NAA11: variants seen among roughly 807,000 people sequenced by gnomAD.
The protein encoded by NAA11 is N-alpha-acetyltransferase 11, NatA catalytic subunit.
Under a neutral mutation model 16.1 loss-of-function variants are expected in NAA11, and 15 were observed. That is an observed-to-expected ratio of 0.93 (90% CI 0.62 to 1.44). NAA11 has a LOEUF of 1.44. Among genes scored for constraint, NAA11 ranks in the 40% most tolerant of loss-of-function variants. The probability of loss-of-function intolerance (pLI) is 0.00; values close to 1 mark genes in which losing one functional copy is unlikely to be tolerated. For synonymous variants in NAA11, 122 were observed against 112.4 expected, an observed-to-expected ratio of 1.09 and a Z score of -0.54; for missense variants, 298 against 291.3, an observed-to-expected ratio of 1.02 and a Z score of -0.17.
At chr4:79,208,947 A>AAAAAAAAC in the NAA11 span, among the ~76,000 whole-genome samples, 3 of 141,002 alleles carry the variant, frequency 2.1e-5, no homozygotes, top group South Asian at 4.5e-4. Flanking sequence ...AAAAAAAAAA[A>AAAAAAAAC]CCCCAAAAAA....
chr4:79,303,264 C>T (rs529613563), intron 1 of NAA11, among the ~76,000 whole-genome samples: 6 of 151,648 alleles, frequency 4.0e-5, no homozygotes, highest in African/African-American at 1.5e-4. Context: ...ACTCACTTTT[C>T]TTTATTTTCA....
chr4:79,217,953 T>C, the NAA11 span, among the ~76,000 whole-genome samples: 3 of 152,272 alleles, frequency 2.0e-5, no homozygotes, highest in South Asian at 2.1e-4. Flanking sequence ...GTGTCTGATA[T>C]TACTTTTCCT....
At chr4:79,228,120 G>A (rs1361044563) in intron 2 of NAA11, among the ~76,000 whole-genome samples, 1 of 151,914 alleles carries the variant, frequency 6.6e-6, no homozygotes, top group Non-Finnish European at 1.5e-5. Context: ...CTGGGGTGCT[G>A]GCTGGCTGCC....
At chr4:79,301,845 A>C (rs1266160817) in intron 1 of NAA11, among the ~76,000 whole-genome samples, 2 of 152,228 alleles carry the variant, frequency 1.3e-5, no homozygotes, top group African/African-American at 4.8e-5. Context: ...ATTTTATCTT[A>C]CAATTTATTG....
chr4:79,240,892 AC>A (rs1721676772), intron 2 of NAA11, among the ~76,000 whole-genome samples: 2 of 152,176 alleles, frequency 1.3e-5, no homozygotes, highest in African/African-American at 4.8e-5. Flanking sequence ...AAAAACAACA[AC>A]AAAAAAAGGC....
At chr4:79,222,128 A>G (rs1170263230), downstream of NAA11, among the ~76,000 whole-genome samples, 2 of 151,748 alleles carry the variant, frequency 1.3e-5, no homozygotes, top group East Asian at 1.9e-4. Flanking sequence ...CCAGGAATGT[A>G]TCCATTTCTT....
chr4:79,162,844 A>G, the NAA11 span, among the ~76,000 whole-genome samples: 55 of 152,194 alleles, frequency 3.6e-4, no homozygotes, highest in Non-Finnish European at 1.3e-4. Flanking sequence ...TTTCCTAAAG[A>G]GGCAACATGG....
At chr4:79,222,781 C>T (rs1291424808), downstream of NAA11, among the ~76,000 whole-genome samples, 1 of 151,736 alleles carries the variant, frequency 6.6e-6, no homozygotes, top group African/African-American at 2.4e-5. Context: ...CTACAATGAA[C>T]TCAAACAAAT....
chr4:79,264,738 T>G (rs2109976239), intron 2 of NAA11, among the ~76,000 whole-genome samples: 1 of 152,280 alleles, frequency 6.6e-6, no homozygotes, highest in South Asian at 2.1e-4. Context: ...TTCTTTTCAG[T>G]CTCATTTAAT....
At chr4:79,212,601 A>G in the NAA11 span, among the ~76,000 whole-genome samples, 1 of 152,078 alleles carries the variant, frequency 6.6e-6, no homozygotes, top group Non-Finnish European at 1.5e-5. Context: ...CCACGGTTTC[A>G]CTTTACATGG....
chr4:79,246,377 T>TAA (rs869224539), intron 2 of NAA11, among the ~76,000 whole-genome samples: 31 of 22,436 alleles, frequency 1.4e-3, no homozygotes, highest in African/African-American at 2.1e-3. Context: ...CAATAAATAC[T>TAA]AAAAAAAAAA....
the NAA11 span, among the ~76,000 whole-genome samples, chr4:79,192,677 G>A: frequency 2.6e-5 from 4 of 151,876 alleles, no homozygotes; most frequent in Middle Eastern, 3.4e-3. Context: ...GAATAGTGCC[G>A]CAATAAACAT....
the NAA11 span, among the ~76,000 whole-genome samples, chr4:79,214,788 A>G: frequency 6.6e-6 from 1 of 151,584 alleles, no homozygotes; most frequent in Non-Finnish European, 1.5e-5. Context: ...ACAGAGCAAG[A>G]CTCCATCTAA....
At chr4:79,166,131 A>G in the NAA11 span, among the ~76,000 whole-genome samples, 4 of 152,318 alleles carry the variant, frequency 2.6e-5, no homozygotes, top group Admixed American at 2.0e-4. Context: ...GCATGAAAGA[A>G]TCTCAAGATC....
chr4:79,195,319 G>T, the NAA11 span, among the ~76,000 whole-genome samples: 3 of 152,012 alleles, frequency 2.0e-5, no homozygotes, highest in Non-Finnish European at 2.9e-5. Flanking sequence ...GGTTGGAAGT[G>T]TATTTAATTC....
chr4:79,230,729 G>A (rs963787977), intron 2 of NAA11, among the ~76,000 whole-genome samples: 1 of 151,808 alleles, frequency 6.6e-6, no homozygotes, highest in African/African-American at 2.4e-5. Context: ...TTTCTTATCT[G>A]TTGTTTAATA....
chr4:79,289,095 A>G (rs545168710), intron 2 of NAA11, among the ~76,000 whole-genome samples: 1 of 152,348 alleles, frequency 6.6e-6, no homozygotes, highest in Non-Finnish European at 1.5e-5. Context: ...CACTAGAGCT[A>G]TATCTTCATA....
At chr4:79,163,164 A>G in the NAA11 span, among the ~76,000 whole-genome samples, 1 of 152,158 alleles carries the variant, frequency 6.6e-6, no homozygotes, top group African/African-American at 2.4e-5. Context: ...TACAACATGA[A>G]TGGTGTCTTT....
At chr4:79,254,933 A>G (rs937476621) in intron 2 of NAA11, among the ~76,000 whole-genome samples, 12 of 152,148 alleles carry the variant, frequency 7.9e-5, no homozygotes, top group Admixed American at 5.9e-4. Context: ...AACTGAGGCA[A>G]CTAACAGTGG....
Sources: allele counts gnomAD v4.1 joint callset (sites outside exome capture counted in the v4.1 genomes callset), GRCh38; gene constraint gnomAD v4.1.1; transcripts MANE v1.5; gene names NCBI Gene and HGNC (gene_info 2026-07-23, HGNC 2026-07-21).